DDX54: variants seen among roughly 807,000 people sequenced by gnomAD.
The protein encoded by DDX54 is ATP-dependent RNA helicase DDX54.
In DDX54, 67 loss-of-function variants were observed where a neutral mutation model predicts 105.5. The ratio of observed to expected loss-of-function variants is 0.64; its 90% CI spans 0.52 to 0.78. DDX54 has a LOEUF of 0.78. Among genes scored for constraint, DDX54 ranks in the 30% least tolerant of loss-of-function variants. DDX54 has a pLI of 0.00. For missense variants in DDX54, 1,206 were observed against 1,230.5 expected, an observed-to-expected ratio of 0.98 and a Z score of 0.30; for synonymous variants, 514 against 509.9, an observed-to-expected ratio of 1.01 and a Z score of -0.11.
intron 1 of DDX54, among the ~76,000 whole-genome samples, chr12:113,181,318 G>C (rs1265174687): frequency 6.6e-6 from 1 of 151,266 alleles, no homozygotes; most frequent in Non-Finnish European, 1.5e-5. Flanking sequence ...TAAGAGACAG[G>C]GTCTTACTCT....
At chr12:113,171,058 T>C (rs1952331863) in intron 11 of DDX54, among the ~76,000 whole-genome samples, 1 of 152,196 alleles carries the variant, frequency 6.6e-6, no homozygotes, top group South Asian at 2.1e-4. Flanking sequence ...CCGGCACTGT[T>C]GGTCTTGTGA....
chr12:113,181,092 C>G (rs753258384), intron 1 of DDX54, 34 bp from the exon 2 acceptor site: 13 of 1,598,168 alleles, frequency 8.1e-6, no homozygotes, highest in Middle Eastern at 1.8e-4. Context: ...GGTGTCACTC[C>G]AGGCACAGTG....
chr12:113,173,597 C>T (rs912048780), intron 10 of DDX54, among the ~76,000 whole-genome samples: 2 of 152,156 alleles, frequency 1.3e-5, no homozygotes, highest in African/African-American at 2.4e-5. Flanking sequence ...ACAGGCATAA[C>T]ACATATGAAA....
rs1055826657 is a variant in DDX54, at chr12:113,158,595, T to C, written c.*282A>G. On this transcript the variant is annotated 3_prime_UTR_variant, in exon 20 of 20. Coordinates refer to ENST00000306014, the MANE Select transcript of DDX54 (RefSeq NM_024072.4). The surrounding 1 kb of genome is among the most constrained non-coding windows in gnomAD (Gnocchi z 4.9). Reference sequence around the variant, plus strand: ...CCATGACCTCTGAACCCAGAACACATGGAAGCAGCAGCAGCTGAGTTGCCA... The same window carrying C: ...CCATGACCTCTGAACCCAGAACACACGGAAGCAGCAGCAGCTGAGTTGCCA... 3 of 427,008 alleles carry C rather than the reference T, an allele frequency of 7.0e-6. No individual in the cohort carries two copies. The South Asian group carries it at 1.3e-4, about 19-fold the overall frequency. The allele number at this position is 427,008 out of a possible 1,614,324, so 26.5% of individuals were successfully genotyped here.
rs1244994080 is a variant in DDX54, at chr12:113,185,466, G to T, written c.-15C>A. On this transcript the variant is annotated 5_prime_UTR_variant, in exon 1 of 20. Coordinates refer to ENST00000306014, the MANE Select transcript of DDX54 (RefSeq NM_024072.4). ...TCGGCCGCCATTCGGGCCGCGCGCT[G>T]GGAACGCAGAAGGGGGCGTGGCCTG... 6.7e-7 allele frequency: 1 copy of T among 1,494,196 alleles called. No individual in the cohort carries two copies. Among genetic ancestry groups the T allele is most frequent in the African/African-American group, 1.5e-5 (1 of 68,934 alleles). The allele number at this position is 1,494,196 out of a possible 1,614,324, so 92.6% of individuals were successfully genotyped here.
Position 113,163,221 on chromosome 12 carries a change from CCT to C in DDX54, c.1990_1991del (p.Arg664GlyfsTer26), listed in dbSNP as rs1952232144. The C allele has an allele frequency of 1.2e-6, 2 of 1,611,702 alleles. No homozygotes were observed. Among genetic ancestry groups the C allele is most frequent in the Non-Finnish European group, 8.5e-7 (1 of 1,179,988 alleles). On this transcript the variant is annotated frameshift_variant, in exon 16 of 20. Coordinates refer to ENST00000306014, the MANE Select transcript of DDX54 (RefSeq NM_024072.4). LOFTEE classifies it high-confidence loss of function. This position sits in a 1 kb window ranked among gnomAD's most constrained non-coding sequence, Gnocchi z 5.9. ...GRKRQRSGPNRGAKRRREEAR... is the reference protein window; with the variant it reads ...GRKRQRSGPNXGAKRRREEAR... ...CCTCCTCCCTCCGCCTCTTGGCTCC[CCT>C]GTTGGGTCCTGACCGCTGCCGCTTC...
chr12:113,162,102 G>A (rs1486325537), intron 17 of DDX54, 105 bp from the exon 18 acceptor site: 3 of 1,074,386 alleles, frequency 2.8e-6, no homozygotes, highest in Non-Finnish European at 4.2e-6. Flanking sequence ...CAGGTTGTTG[G>A]AGCATTAAAG....
intron 2 of DDX54, among the ~76,000 whole-genome samples, chr12:113,180,373 C>A (rs1469139063): frequency 6.6e-6 from 1 of 151,798 alleles, no homozygotes; most frequent in African/African-American, 2.4e-5. Context: ...TCAGAATCAC[C>A]CGGGTGTGGG....
chr12:113,174,451 C>T (rs955312575), intron 10 of DDX54, among the ~76,000 whole-genome samples, 189 bp downstream of exon 10: 7 of 152,170 alleles, frequency 4.6e-5, no homozygotes, highest in African/African-American at 1.7e-4. Context: ...TGTGCCACTG[C>T]ACTCTAGCCT....
rs763525485 is a variant in DDX54, at chr12:113,176,878, C to T, written c.714G>A (p.Leu238=). Residue 238 remains leucine, a synonymous_variant, in exon 7 of 20, where the codon CTG becomes CTA. Transcript: ENST00000306014. The stretch of plus-strand genomic sequence containing the variant: ...CGAACACCACGTATTCCACACTCTG[C>T]AGCTTCAGGCTCATTTCCACAGCCA... The part of the protein sequence containing the change: ...VHVAVEMSLK[L]QSVEYVVFDE... 7 of 1,614,226 alleles carry T rather than the reference C, an allele frequency of 4.3e-6. No individual in the cohort carries two copies. The highest frequency in any genetic ancestry group is 4.5e-5 in the East Asian group (2 of 44,880).
Position 113,169,991 on chromosome 12 carries a change from A to C in DDX54, c.1280-87T>G, listed in dbSNP as rs1048707313. 9 of 1,533,736 alleles carry C rather than the reference A, an allele frequency of 5.9e-6. No homozygotes were observed. The African/African-American group carries it at 1.1e-4, about 19-fold the overall frequency. On this transcript the variant is annotated intron_variant, in intron 11 of 19. Coordinates refer to ENST00000306014, the MANE Select transcript of DDX54 (RefSeq NM_024072.4). Reference sequence around the variant, plus strand: ...CCACAGGCCAGACCCTGAGCAGGTGAGCCTGGCCAAGCCTCGAACCTCACA... The same window carrying C: ...CCACAGGCCAGACCCTGAGCAGGTGCGCCTGGCCAAGCCTCGAACCTCACA...
chr12:113,180,225 T>C (rs1237490675), intron 2 of DDX54, among the ~76,000 whole-genome samples: 2 of 152,186 alleles, frequency 1.3e-5, no homozygotes, highest in African/African-American at 4.8e-5. Flanking sequence ...ACTCTTGATG[T>C]CATGAGACAG....
chr12:113,165,741 G>T, intron 13 of DDX54, 24 bp from the exon 14 acceptor site: 1 of 1,610,734 alleles, frequency 6.2e-7, no homozygotes, highest in South Asian at 1.1e-5. Flanking sequence ...AGCAAGGTGT[G>T]AGGCTGTGGG....
In DDX54 at chr12:113,176,955, C is replaced by T. The variant is rs746046309; in HGVS notation, c.657-20G>A. 6.2e-7 allele frequency: 1 copy of T among 1,613,998 alleles called. No individual in the cohort carries two copies. The highest frequency in any genetic ancestry group is 1.1e-5 in the South Asian group (1 of 91,066). On this transcript the variant is annotated intron_variant, in intron 6 of 19. Transcript: ENST00000306014. The stretch of plus-strand genomic sequence containing the variant: ...ATAATTCTGGAAGAGGGTGCACAGG[C>T]CAGGTGACCCCAGGGCCAGGGCCAC...
Position 113,185,407 on chromosome 12 carries a change from A to G in DDX54, c.45T>C (p.Ala15=). ...TCTTCTTCCTCCACTGGGCCATGGC[A>G]GCTCGCGACCGAGGTCCAGCCGCCG... is the stretch of plus-strand genomic sequence containing the variant. The part of the protein sequence containing the change: ...KGPAAGPRSR[A]AMAQWRKKKG... The change falls in exon 1 of 20, where the codon GCT becomes GCC. Residue 15 remains alanine (A), a synonymous_variant. Transcript: ENST00000306014. 6.5e-7 allele frequency: 1 copy of G among 1,539,170 alleles called. No individual in the cohort carries two copies. Among genetic ancestry groups the G allele is most frequent in the Non-Finnish European group, 8.7e-7 (1 of 1,145,258 alleles).
chr12:113,180,091 C>T, intron 2 of DDX54, 86 bp from the exon 3 acceptor site: 2 of 1,220,420 alleles, frequency 1.6e-6, no homozygotes, highest in Non-Finnish European at 2.4e-6. Context: ...ATGACAGCTT[C>T]ATCAACAATA....
chr12:113,177,032 TC>T lies in DDX54; in HGVS notation c.656+19del, dbSNP rs1952412851. 6.2e-7 allele frequency: 1 copy of T among 1,613,928 alleles called. No homozygotes were observed. The highest frequency in any genetic ancestry group is 8.5e-7 in the Non-Finnish European group (1 of 1,179,988). ...ACTAGGAAGGGATCTCAGGGAGTCA[TC>T]CCCAATCCACAAACTCACATGTCGG... On this transcript the variant is annotated intron_variant, in intron 6 of 19. Transcript: ENST00000306014.
At chr12:113,177,350 C>A (rs1355242439) in intron 5 of DDX54, 2 of 447,226 alleles carry the variant, frequency 4.5e-6, no homozygotes, top group African/African-American at 2.0e-5. Flanking sequence ...CAATTCACTC[C>A]TTCTGTTGTT....
Position 113,165,880 on chromosome 12 carries a change from G to T in DDX54, c.1567C>A (p.Arg523Ser). The T allele has an allele frequency of 1.9e-6, 3 of 1,613,698 alleles. No individual in the cohort carries two copies. The highest frequency in any genetic ancestry group is 2.5e-6 in the Non-Finnish European group (3 of 1,180,012). Residue 523 changes from arginine to serine, a missense_variant, in exon 13 of 20, where the codon CGC becomes AGC. Physicochemically the swap from Arg to Ser is moderately radical, Grantham distance 110. Coordinates refer to ENST00000306014, the MANE Select transcript of DDX54 (RefSeq NM_024072.4). ...DNAQQQYVRS[R>S]PAPSPESIKR... ...ATGGACTCAGGCGAGGGCGCCGGGC[G>T]TGAGCGCACATACTGCTGCTGGGCG...
Sources: gnomAD v4.1 joint callset for allele counts (sites outside exome capture counted in the v4.1 genomes callset) on GRCh38, gnomAD v4.1.1 for gene constraint, Gnocchi (gnomAD v3.1) non-coding constraint, MANE v1.5 for transcripts, NCBI Gene and HGNC (gene_info 2026-07-23, HGNC 2026-07-21) for gene names.